TASP1: variants seen among roughly 807,000 people sequenced by gnomAD.
The protein encoded by TASP1 is taspase 1, also known as threonine aspartase 1.
TASP1 carries 16 observed loss-of-function variants against 56.6 expected under a neutral mutation model. The observed-to-expected ratio is 0.28, with a 90% confidence interval of 0.19 to 0.43. The LOEUF is 0.43. Among genes scored for constraint, TASP1 ranks in the 20% least tolerant of loss-of-function variants. TASP1 has a pLI of 1.00. For missense variants in TASP1, 393 were observed against 511.6 expected (o/e 0.77, Z 2.24); for synonymous variants, 179 against 184.2 (o/e 0.97, Z 0.23).
the TASP1 span, among the ~76,000 whole-genome samples, chr20:13,222,924 A>G: frequency 1.3e-5 from 2 of 152,214 alleles, no homozygotes; most frequent in African/African-American, 4.8e-5. Context: ...GCACTTTAGC[A>G]GGCAGAGGCG....
intron 4 of TASP1, among the ~76,000 whole-genome samples, chr20:13,622,728 G>A (rs952370285): frequency 3.3e-5 from 5 of 152,072 alleles, no homozygotes; most frequent in African/African-American, 4.8e-5. Flanking sequence ...TGTCTTACTT[G>A]ATTCCCTAAG....
intron 10 of TASP1, among the ~76,000 whole-genome samples, chr20:13,485,423 T>C (rs946421177): frequency 1.3e-5 from 2 of 152,080 alleles, no homozygotes; most frequent in African/African-American, 4.8e-5. Flanking sequence ...TGTTCACCTA[T>C]TCAGTAAAAA....
the TASP1 span, among the ~76,000 whole-genome samples, chr20:13,194,665 T>C: frequency 6.6e-6 from 1 of 152,110 alleles, no homozygotes; most frequent in East Asian, 1.9e-4. Flanking sequence ...GCTCACATGA[T>C]GGCTGCCAAC....
chr20:13,526,977 C>T (rs1170840648), intron 10 of TASP1, among the ~76,000 whole-genome samples: 1 of 152,080 alleles, frequency 6.6e-6, no homozygotes. Flanking sequence ...GACTCACATG[C>T]ACCTCAAAAG....
At chr20:13,256,585 A>C in the TASP1 span, among the ~76,000 whole-genome samples, 1 of 152,118 alleles carries the variant, frequency 6.6e-6, no homozygotes, top group African/African-American at 2.4e-5. Flanking sequence ...CAAATGACTG[A>C]AACACTGACC....
At chr20:13,590,670 A>T (rs886283684) in intron 4 of TASP1, among the ~76,000 whole-genome samples, 1 of 152,120 alleles carries the variant, frequency 6.6e-6, no homozygotes. Context: ...ATTCGAGACC[A>T]GCCTGGCCAA....
the TASP1 span, among the ~76,000 whole-genome samples, chr20:13,209,925 T>C: frequency 1.3e-5 from 2 of 152,204 alleles, no homozygotes; most frequent in Non-Finnish European, 2.9e-5. Flanking sequence ...AACTTTTACA[T>C]ACATGCACAA....
At chr20:13,573,386 C>T (rs569094510) in intron 6 of TASP1, among the ~76,000 whole-genome samples, 1 of 152,260 alleles carries the variant, frequency 6.6e-6, no homozygotes, top group Non-Finnish European at 1.5e-5. Context: ...CACTGAATCC[C>T]CCAGCTCCTT....
the TASP1 span, among the ~76,000 whole-genome samples, chr20:13,143,795 A>AAC: frequency 9.1e-4 from 139 of 152,320 alleles, 1 homozygote; most frequent in Middle Eastern, 6.8e-3. Flanking sequence ...GAACCACATT[A>AAC]ACACAATTAC....
chr20:13,324,014 T>G, the TASP1 span, among the ~76,000 whole-genome samples: 1 of 152,226 alleles, frequency 6.6e-6, no homozygotes, highest in South Asian at 2.1e-4. Flanking sequence ...TCTATCTCCC[T>G]TCCTATAAGG....
At chr20:13,625,087 A>C (rs2147544556) in intron 3 of TASP1, 98 bp downstream of exon 3, 1 of 829,924 alleles carries the variant, frequency 1.2e-6, no homozygotes, top group East Asian at 2.9e-5. Context: ...AAACTGGAAG[A>C]CTGTCCTAGA....
the TASP1 span, among the ~76,000 whole-genome samples, chr20:13,134,929 C>A: frequency 6.6e-6 from 1 of 152,212 alleles, no homozygotes; most frequent in African/African-American, 2.4e-5. Context: ...GTCCTTCAGT[C>A]CCCATGACCA....
At chr20:13,595,273 T>C (rs372988929) in intron 4 of TASP1, among the ~76,000 whole-genome samples, 2 of 152,172 alleles carry the variant, frequency 1.3e-5, no homozygotes, top group African/African-American at 2.4e-5. Context: ...TGCAAAAACA[T>C]GCCAAATTGT....
At chr20:13,193,323 T>C in the TASP1 span, among the ~76,000 whole-genome samples, 2 of 151,834 alleles carry the variant, frequency 1.3e-5, no homozygotes, top group South Asian at 2.1e-4. Context: ...TCAGTGTGGG[T>C]GAAAAAAAAT....
chr20:13,310,102 T>C, the TASP1 span, among the ~76,000 whole-genome samples: 1 of 152,124 alleles, frequency 6.6e-6, no homozygotes. Context: ...CCAAAATTCA[T>C]ATGGAAGCAC....
At chr20:13,159,930 C>A in the TASP1 span, 1 of 1,442,554 alleles carries the variant, frequency 6.9e-7, no homozygotes. Flanking sequence ...AGCCATATTC[C>A]TTTTTTGTCA....
chr20:13,631,596 G>A (rs567019341), intron 1 of TASP1, among the ~76,000 whole-genome samples: 21 of 152,258 alleles, frequency 1.4e-4, no homozygotes, highest in African/African-American at 5.1e-4. Flanking sequence ...ATGAGCTTGG[G>A]ACCATTAGTC....
chr20:13,458,003 T>C lies in TASP1; in HGVS notation c.986-22849A>G, dbSNP rs533720123. Reference sequence around the variant, plus strand: ...TAAATTTCAAGAAAGATGTTTTCATTTGTAAGTTTTCAATTATTGCATTGT... The same window carrying C: ...TAAATTTCAAGAAAGATGTTTTCATCTGTAAGTTTTCAATTATTGCATTGT... On this transcript the variant is annotated intron_variant, in intron 11 of 13. Transcript: ENST00000337743. 2.0e-5 allele frequency among the ~76,000 whole-genome samples: 3 copies of C among 152,336 alleles called. No individual in the cohort carries two copies. The South Asian group carries it at 6.2e-4, about 32-fold the overall frequency.
intron 9 of TASP1, among the ~76,000 whole-genome samples, chr20:13,531,778 CT>C (rs1405095185): frequency 6.6e-6 from 1 of 152,178 alleles, no homozygotes; most frequent in Non-Finnish European, 1.5e-5. Flanking sequence ...ATTCTCTTGC[CT>C]TATCCCCCCC....
Sources: allele counts gnomAD v4.1 joint callset (sites outside exome capture counted in the v4.1 genomes callset), GRCh38; gene constraint gnomAD v4.1.1; transcripts MANE v1.5; gene names NCBI Gene and HGNC (gene_info 2026-07-23, HGNC 2026-07-21).